PEAK1: variants seen among roughly 807,000 people sequenced by gnomAD.
The protein encoded by PEAK1 is inactive tyrosine-protein kinase PEAK1.
PEAK1 carries 54 observed loss-of-function variants against 124.7 expected under a neutral mutation model. The observed-to-expected ratio is 0.43, with a 90% CI of 0.35 to 0.54. The LOEUF is 0.54. Among genes scored for constraint, PEAK1 ranks in the 20% least tolerant of loss-of-function variants. The pLI is 0.01. For synonymous variants in PEAK1, 719 were observed against 760.0 expected, an observed-to-expected ratio of 0.95 and a Z score of 0.89; for missense variants, 2,046 against 2,134.5, an observed-to-expected ratio of 0.96 and a Z score of 0.82.
intron 7 of PEAK1, among the ~76,000 whole-genome samples, chr15:77,163,628 A>C (rs879682921): frequency 2.6e-5 from 4 of 152,244 alleles, no homozygotes; most frequent in Admixed American, 1.3e-4. Flanking sequence ...ACATTAGAAC[A>C]GGATAAGGCC....
chr15:77,228,065 C>T (rs2059754720), intron 6 of PEAK1, among the ~76,000 whole-genome samples: 1 of 151,886 alleles, frequency 6.6e-6, no homozygotes, highest in Non-Finnish European at 1.5e-5. Flanking sequence ...ATTTGTTGGA[C>T]ACTTACAACA....
In PEAK1 at chr15:77,250,253, A is replaced by AT. The variant is rs1567166868; in HGVS notation, c.-115+2113dup. Among the ~76,000 whole-genome samples, 4 of 69,734 alleles carry AT rather than the reference A, an allele frequency of 5.7e-5. 1 individual carries two copies. The highest frequency in any genetic ancestry group is 1.2e-4 in the African/African-American group (3 of 25,116). 45.7% of individuals were successfully genotyped at this position (69,734 alleles called of 152,430 possible). On this transcript the variant is annotated intron_variant, in intron 6 of 9. Coordinates refer to ENST00000682557, the MANE Select transcript of PEAK1 (RefSeq NM_001385026.1). ...TATATGTATATGTATATATATATAT[A>AT]TATATTTTTTTTTGACAGAGTTTCA...
intron 6 of PEAK1, among the ~76,000 whole-genome samples, chr15:77,212,561 A>G (rs186452283): frequency 6.6e-6 from 1 of 152,334 alleles, no homozygotes; most frequent in Admixed American, 6.5e-5. Flanking sequence ...ACAAGACAAA[A>G]TACAGACATA....
Position 77,214,382 on chromosome 15 carries a change from T to C in PEAK1, c.-114-32342A>G, listed in dbSNP as rs570923497. Reference sequence around the variant, plus strand: ...CTGTAATCCCAGTACTTTGGGAGGCTGAGGTGGGCAGATCATGAGGTCAGG... The same window carrying C: ...CTGTAATCCCAGTACTTTGGGAGGCCGAGGTGGGCAGATCATGAGGTCAGG... On this transcript the variant is annotated intron_variant, in intron 6 of 9. Coordinates refer to ENST00000682557, the MANE Select transcript of PEAK1 (RefSeq NM_001385026.1). Among the ~76,000 whole-genome samples, 4 of 151,456 alleles carry C rather than the reference T, an allele frequency of 2.6e-5. No individual in the cohort carries two copies. In the East Asian group the frequency reaches 5.8e-4, roughly 22 times the overall value.
At chr15:77,303,874 A>G (rs2063921788) in intron 2 of PEAK1, among the ~76,000 whole-genome samples, 1 of 152,162 alleles carries the variant, frequency 6.6e-6, no homozygotes, top group Admixed American at 6.5e-5. Context: ...TCTATGCTCC[A>G]TTTTGAGTTA....
At chr15:77,292,528 T>C (rs1483292375) in intron 2 of PEAK1, among the ~76,000 whole-genome samples, 1 of 150,526 alleles carries the variant, frequency 6.6e-6, no homozygotes, top group African/African-American at 2.4e-5. Flanking sequence ...AAATGTGGCA[T>C]TAAGTAGACT....
At chr15:77,381,306 G>A (rs80032299) in intron 1 of PEAK1, 6 of 875,988 alleles carry the variant, frequency 6.8e-6, no homozygotes, top group Non-Finnish European at 8.2e-6. Flanking sequence ...TTCAAGTTAC[G>A]TGGGAGACTG....
At chr15:77,323,884 T>C (rs908848867) in intron 2 of PEAK1, among the ~76,000 whole-genome samples, 9 of 152,148 alleles carry the variant, frequency 5.9e-5, no homozygotes, top group Non-Finnish European at 8.8e-5. Flanking sequence ...CTTCAAACTA[T>C]ACTACAAGGC....
chr15:77,334,230 T>G, intron 2 of PEAK1: 1 of 984,326 alleles, frequency 1.0e-6, no homozygotes, highest in South Asian at 4.7e-5. Context: ...CCACATAATT[T>G]TAGTTCAAAT....
Position 77,133,853 on chromosome 15 carries a change from T to C in PEAK1, c.3332-103A>G, listed in dbSNP as rs966887776. 16 of 1,281,626 alleles carry C rather than the reference T, an allele frequency of 1.2e-5. No individual in the cohort carries two copies. The highest frequency in any genetic ancestry group is 3.0e-5 in the Admixed American group (1 of 33,812). The allele number at this position is 1,281,626 out of a possible 1,614,324, so 79.4% of individuals were successfully genotyped here. On this transcript the variant is annotated intron_variant, in intron 8 of 9. Coordinates refer to ENST00000682557, the MANE Select transcript of PEAK1 (RefSeq NM_001385026.1). The surrounding 1 kb of genome is among the most constrained non-coding windows in gnomAD (Gnocchi z 4.2). ...GAAATGAGTGAGGTAGCCATGGGAA[T>C]GTAAGAATAAGTCAACTCTTTAGTT...
At chr15:77,225,666 T>TTATTTATATATA (rs1555448934) in intron 6 of PEAK1, among the ~76,000 whole-genome samples, 2 of 87,994 alleles carry the variant, frequency 2.3e-5, no homozygotes, top group Non-Finnish European at 4.6e-5. Context: ...TGTGTATAAT[T>TTATTTATATATA]TATATATATA....
intron 8 of PEAK1, among the ~76,000 whole-genome samples, chr15:77,136,799 C>A (rs756327478): frequency 9.2e-5 from 14 of 152,190 alleles, no homozygotes; most frequent in Non-Finnish European, 1.8e-4. Context: ...CAGAAACTTG[C>A]ATAAGTAACG....
chr15:77,278,918 C>T (rs1190222580), intron 5 of PEAK1: 2 of 235,986 alleles, frequency 8.5e-6, no homozygotes, highest in South Asian at 1.1e-4. Flanking sequence ...CTGCAACCTC[C>T]GCCTCCTGGG....
At chr15:77,194,098 CA>C (rs2057989219) in intron 6 of PEAK1, among the ~76,000 whole-genome samples, 1 of 152,172 alleles carries the variant, frequency 6.6e-6, no homozygotes, top group East Asian at 1.9e-4. Flanking sequence ...GGTACCATAA[CA>C]GTAAATGGTA....
At chr15:77,353,360 T>C (rs544273440) in intron 2 of PEAK1, among the ~76,000 whole-genome samples, 1 of 152,246 alleles carries the variant, frequency 6.6e-6, no homozygotes, top group African/African-American at 2.4e-5. Context: ...ACAGCAACGT[T>C]GCCAGACAGA....
At chr15:77,173,851 CCTGAGAAGT>C (rs1567062899) in intron 7 of PEAK1, among the ~76,000 whole-genome samples, 1 of 152,180 alleles carries the variant, frequency 6.6e-6, no homozygotes, top group Non-Finnish European at 1.5e-5. Context: ...GGATTTTATT[CCTGAGAAGT>C]CTGCATTAAG....
chr15:77,213,452 G>A (rs1252420329), intron 6 of PEAK1, among the ~76,000 whole-genome samples: 1 of 152,136 alleles, frequency 6.6e-6, no homozygotes, highest in African/African-American at 2.4e-5. Context: ...AGCACTTTAG[G>A]AGGCCGAGGT....
intron 2 of PEAK1, among the ~76,000 whole-genome samples, chr15:77,292,020 A>G (rs1447348646): frequency 6.6e-6 from 1 of 151,740 alleles, no homozygotes; most frequent in Admixed American, 6.6e-5. Flanking sequence ...TGTGATCACA[A>G]TTTCAAGTAA....
rs1053415504 is a variant in PEAK1 at position 77,113,257 on chromosome 15, T to A, written c.*899A>T. On this transcript the variant is annotated 3_prime_UTR_variant, in exon 10 of 10. Transcript: ENST00000682557. ...CAAATGCTGACAGTTCTGACAGTAA[T>A]CAAAGGGTACTTTAAACTCTGTTTC... 1 of 152,272 alleles carries A rather than the reference T, an allele frequency of 6.6e-6. No homozygotes were observed. Among genetic ancestry groups the A allele is most frequent in the Non-Finnish European group, 1.5e-5 (1 of 68,056 alleles). 9.4% of individuals were successfully genotyped at this position (152,272 alleles called of 1,614,324 possible).
Sources: gnomAD v4.1 joint callset for allele counts (sites outside exome capture counted in the v4.1 genomes callset) on GRCh38, gnomAD v4.1.1 for gene constraint, Gnocchi (gnomAD v3.1) non-coding constraint, MANE v1.5 for transcripts, NCBI Gene and HGNC (gene_info 2026-07-23, HGNC 2026-07-21) for gene names.